MAPKAP1: variants seen among roughly 807,000 people sequenced by gnomAD.
MAPKAP1 encodes target of rapamycin complex 2 subunit MAPKAP1.
In MAPKAP1, 20 loss-of-function variants were observed where a neutral mutation model predicts 65.7. The observed-to-expected ratio is 0.30, with a 90% CI of 0.21 to 0.44. The LOEUF is 0.44. MAPKAP1 is among the 20% of genes least tolerant of loss of function. The probability of loss-of-function intolerance (pLI) is 1.00; values close to 1 mark genes in which losing one functional copy is unlikely to be tolerated. For synonymous variants in MAPKAP1, 222 were observed against 244.3 expected, an observed-to-expected ratio of 0.91 and a Z score of 0.85; for missense variants, 423 against 648.0, an observed-to-expected ratio of 0.65 and a Z score of 3.77.
chr9:125,567,032 C>T (rs1438898183), intron 5 of MAPKAP1, among the ~76,000 whole-genome samples: 4 of 152,188 alleles, frequency 2.6e-5, no homozygotes, highest in Admixed American at 2.6e-4. Flanking sequence ...AAGAGCACCA[C>T]AGTGCATCAC....
intron 7 of MAPKAP1, among the ~76,000 whole-genome samples, chr9:125,541,429 G>C (rs1830245004): frequency 6.6e-6 from 1 of 152,026 alleles, no homozygotes; most frequent in African/African-American, 2.4e-5. Flanking sequence ...TCAGAATAAG[G>C]CCTTCTTAGA....
chr9:125,510,838 C>T (rs564138901), intron 7 of MAPKAP1, among the ~76,000 whole-genome samples: 8 of 152,308 alleles, frequency 5.3e-5, no homozygotes, highest in African/African-American at 1.9e-4. Context: ...GTATTTTACA[C>T]ATTTTCCCTC....
chr9:125,554,564 C>T (rs958846246), intron 6 of MAPKAP1, among the ~76,000 whole-genome samples: 5 of 151,996 alleles, frequency 3.3e-5, no homozygotes, highest in African/African-American at 9.7e-5. Context: ...TTTGGGAGGC[C>T]GAGGCAGGAG....
In MAPKAP1 at chr9:125,484,724, G is replaced by C. The variant is rs1015164233; in HGVS notation, c.1067-141C>G. 5 of 733,122 alleles carry C rather than the reference G, an allele frequency of 6.8e-6. No individual in the cohort carries two copies. The East Asian group carries it at 1.5e-4, about 22-fold the overall frequency. The allele number at this position is 733,122 out of a possible 1,614,324, so 45.4% of individuals were successfully genotyped here. Reference sequence around the variant, plus strand: ...AAAGGCTGAGCGATGACTTAATAATGCCATTCCAGTAAACAGAGAATGGTA... The same window carrying C: ...AAAGGCTGAGCGATGACTTAATAATCCCATTCCAGTAAACAGAGAATGGTA... On this transcript the variant is annotated intron_variant, in intron 8 of 11. Coordinates refer to ENST00000265960, the MANE Select transcript of MAPKAP1 (RefSeq NM_001006617.3).
intron 1 of MAPKAP1, among the ~76,000 whole-genome samples, chr9:125,693,452 CACACAT>C (rs1350059687): frequency 6.7e-6 from 1 of 149,466 alleles, no homozygotes; most frequent in African/African-American, 2.5e-5. Flanking sequence ...TACACACACA[CACACAT>C]ACATGTATAT....
At chr9:125,533,438 A>G (rs1451435747) in intron 7 of MAPKAP1, among the ~76,000 whole-genome samples, 1 of 152,008 alleles carries the variant, frequency 6.6e-6, no homozygotes, top group African/African-American at 2.4e-5. Flanking sequence ...AATGTCAAAG[A>G]ATGGGCATAA....
chr9:125,468,884 G>A (rs188749103), intron 9 of MAPKAP1, among the ~76,000 whole-genome samples: 16 of 152,272 alleles, frequency 1.1e-4, no homozygotes, highest in African/African-American at 2.2e-4. Flanking sequence ...TATAGTGACC[G>A]GGAATAAAGG....
intron 4 of MAPKAP1, among the ~76,000 whole-genome samples, chr9:125,633,051 T>C (rs1564593577): frequency 6.6e-6 from 1 of 152,226 alleles, no homozygotes; most frequent in Admixed American, 6.5e-5. Flanking sequence ...CTTCCCTTTT[T>C]TGAATTTACA....
intron 7 of MAPKAP1, among the ~76,000 whole-genome samples, chr9:125,527,008 C>T (rs568698369): frequency 5.9e-5 from 9 of 151,514 alleles, no homozygotes; most frequent in South Asian, 2.1e-4. Flanking sequence ...CTCCTGACCT[C>T]GTGATCTGCC....
In MAPKAP1 at chr9:125,548,954, AGGACT is replaced by A. The variant is rs201329868; in HGVS notation, c.849-5791_849-5787del. Among the ~76,000 whole-genome samples, 63 of 152,352 alleles carry A rather than the reference AGGACT, an allele frequency of 4.1e-4. No individual in the cohort carries two copies. The East Asian group carries it at 0.011, about 27-fold the overall frequency. ...ATAACTAATAAGTCCTGAAGGAGCC[AGGACT>A]TGAACCCAGATCAGCTAGACTCCCA... On this transcript the variant is annotated intron_variant, in intron 6 of 11. Transcript: ENST00000265960.
At chr9:125,639,756 AAAG>A (rs1449989949) in intron 4 of MAPKAP1, among the ~76,000 whole-genome samples, 7 of 152,226 alleles carry the variant, frequency 4.6e-5, no homozygotes, top group African/African-American at 1.4e-4. Context: ...TTTCCAGGAG[AAAG>A]AAGTTTACAT....
chr9:125,600,153 C>T (rs1346069802), intron 4 of MAPKAP1, among the ~76,000 whole-genome samples: 1 of 149,722 alleles, frequency 6.7e-6, no homozygotes. Flanking sequence ...AACTGAAAAA[C>T]TAGCAATCAT....
At chr9:125,606,168 TCTC>T (rs1232132033) in intron 4 of MAPKAP1, among the ~76,000 whole-genome samples, 2 of 151,980 alleles carry the variant, frequency 1.3e-5, no homozygotes, top group African/African-American at 4.8e-5. Flanking sequence ...CATTAAGTGG[TCTC>T]CTAATCTTTT....
intron 1 of MAPKAP1, among the ~76,000 whole-genome samples, chr9:125,694,473 C>T (rs991396265): frequency 3.3e-5 from 5 of 152,122 alleles, no homozygotes; most frequent in African/African-American, 1.2e-4. Flanking sequence ...AAACTACTAC[C>T]TCAGTGGGAA....
At chr9:125,657,490 A>G (rs1834065002) in intron 4 of MAPKAP1, among the ~76,000 whole-genome samples, 161 bp downstream of exon 4, 1 of 152,190 alleles carries the variant, frequency 6.6e-6, no homozygotes. Flanking sequence ...ACCCAAATTC[A>G]TACCTTTACA....
Position 125,657,946 on chromosome 9 carries a change from C to A in MAPKAP1, c.350-147G>T, listed in dbSNP as rs949670972. ...TACATGCAGAAAGCCCCACAATATA[C>A]CGTGCACTGAAAAGGCAGAGCACGG... On this transcript the variant is annotated intron_variant, in intron 3 of 11. Coordinates refer to ENST00000265960, the MANE Select transcript of MAPKAP1 (RefSeq NM_001006617.3). 8 of 717,244 alleles carry A rather than the reference C, an allele frequency of 1.1e-5. No individual in the cohort carries two copies. The African/African-American group carries it at 1.4e-4, about 13-fold the overall frequency. 44.4% of individuals were successfully genotyped at this position (717,244 alleles called of 1,614,324 possible).
chr9:125,536,944 G>A lies in MAPKAP1; in HGVS notation c.958+6115C>T, dbSNP rs142897094. On this transcript the variant is annotated intron_variant, in intron 7 of 11. Transcript: ENST00000265960. The stretch of plus-strand genomic sequence containing the variant: ...ACTGACACCAATACAGACAAATTGT[G>A]CAATTACAAAAAGAATTCCTGGCTT... Among the ~76,000 whole-genome samples the A allele has an allele frequency of 3.9e-3, 597 of 152,300 alleles. 2 individuals carry two copies. Among genetic ancestry groups the A allele is most frequent in the African/African-American group, 0.014 (564 of 41,562 alleles).
intron 4 of MAPKAP1, among the ~76,000 whole-genome samples, chr9:125,629,280 A>C (rs911225929): frequency 6.6e-6 from 1 of 152,256 alleles, no homozygotes; most frequent in Non-Finnish European, 1.5e-5. Flanking sequence ...AGATATTTGT[A>C]CTGAAAAGAG....
chr9:125,610,509 TGGTCAGCA>T (rs1313369287), intron 4 of MAPKAP1, among the ~76,000 whole-genome samples: 1 of 152,190 alleles, frequency 6.6e-6, no homozygotes, highest in Non-Finnish European at 1.5e-5. Flanking sequence ...TCAGTTTTCT[TGGTCAGCA>T]GGCTATAGGG....
Sources: gnomAD v4.1 joint callset for allele counts (sites outside exome capture counted in the v4.1 genomes callset) on GRCh38, gnomAD v4.1.1 for gene constraint, MANE v1.5 for transcripts, NCBI Gene and HGNC (gene_info 2026-07-23, HGNC 2026-07-21) for gene names.